SYNPR: variants seen among roughly 807,000 people sequenced by gnomAD.
The protein encoded by SYNPR is synaptoporin.
A neutral mutation model predicts 32.9 loss-of-function variants in SYNPR; 23 were observed. The ratio of observed to expected loss-of-function variants is 0.70; its 90% confidence interval spans 0.50 to 0.99. SYNPR has a LOEUF of 0.99. Ranked by LOEUF, SYNPR falls within the 50% of genes least tolerant of loss-of-function variation. The pLI, the probability that SYNPR is intolerant of heterozygous loss-of-function variation, is 0.00. For missense variants in SYNPR, 318 were observed against 349.3 expected (o/e 0.91, Z 0.71); for synonymous variants, 146 against 135.9 (o/e 1.07, Z -0.52).
chr3:63,440,751 A>T (rs1272018644), intron 2 of SYNPR, among the ~76,000 whole-genome samples: 3 of 152,174 alleles, frequency 2.0e-5, no homozygotes, highest in Non-Finnish European at 4.4e-5. Context: ...GACGTGGACA[A>T]ATTCTGGGAC....
chr3:63,493,784 C>A lies in SYNPR; in HGVS notation c.209+12828C>A, dbSNP rs189920036. Among the ~76,000 whole-genome samples, 1,420 of 145,984 alleles carry A rather than the reference C, an allele frequency of 9.7e-3. 25 individuals carry two copies. The highest frequency in any genetic ancestry group is 0.035 in the African/African-American group (1,359 of 39,048). ...TGAGCCAAGATCACACCACTGCACTCCAGCCTGGGTAACAGTGCAAGACTC... is the reference window on the plus strand; with the variant it reads ...TGAGCCAAGATCACACCACTGCACTACAGCCTGGGTAACAGTGCAAGACTC... On this transcript the variant is annotated intron_variant, in intron 3 of 5. Coordinates refer to ENST00000478300, the MANE Select transcript of SYNPR (RefSeq NM_001130003.2).
rs1480754426 is a variant in SYNPR, at chr3:63,476,319, A to AGGAAG, written c.85-4512_85-4511insGAAGG. Among the ~76,000 whole-genome samples the AGGAAG allele has an allele frequency of 1.5e-3, 82 of 55,612 alleles. 2 individuals are homozygous for AGGAAG. In the East Asian group the frequency reaches 0.036, roughly 25 times the overall value. 36.5% of individuals were successfully genotyped at this position (55,612 alleles called of 152,430 possible). On this transcript the variant is annotated intron_variant, in intron 2 of 5. Transcript: ENST00000478300. Reference sequence around the variant, plus strand: ...GGAGGGAAGGAAGGGAAGGGAGGGAAGCAAGGGAAGGAAGGGAAGGAAGGA... The same window carrying AGGAAG: ...GGAGGGAAGGAAGGGAAGGGAGGGAAGGAAGGCAAGGGAAGGAAGGGAAGGAAGGA...
At chr3:63,298,838 G>T (rs531385809) in intron 2 of SYNPR, among the ~76,000 whole-genome samples, 1 of 152,208 alleles carries the variant, frequency 6.6e-6, no homozygotes, top group Non-Finnish European at 1.5e-5. Context: ...ATCCCATTGG[G>T]GACTCTGGGA....
chr3:63,220,409 G>T, the SYNPR span, among the ~76,000 whole-genome samples: 7 of 152,178 alleles, frequency 4.6e-5, no homozygotes, highest in Admixed American at 4.6e-4. Context: ...TCCTGGGGCT[G>T]TCCTTGAAGT....
At chr3:63,598,895 G>A (rs76427782) in intron 4 of SYNPR, among the ~76,000 whole-genome samples, 2,966 of 152,276 alleles carry the variant, frequency 0.019, 112 homozygotes, top group African/African-American at 0.067. Context: ...TAGACTGACA[G>A]GGATCATATT....
At chr3:63,354,493 G>C (rs1245381497) in intron 2 of SYNPR, among the ~76,000 whole-genome samples, 3 of 152,186 alleles carry the variant, frequency 2.0e-5, no homozygotes, top group African/African-American at 2.4e-5. Context: ...GACTAGTAAA[G>C]ATGCTCTTCT....
chr3:63,232,189 T>A (rs1367106142), intron 1 of SYNPR, among the ~76,000 whole-genome samples: 8 of 144,238 alleles, frequency 5.5e-5, no homozygotes, highest in African/African-American at 1.8e-4. Flanking sequence ...TTTCAGATTC[T>A]GACTTTTTTT....
At chr3:63,365,377 G>A (rs1161828961) in intron 2 of SYNPR, among the ~76,000 whole-genome samples, 1 of 152,078 alleles carries the variant, frequency 6.6e-6, no homozygotes, top group East Asian at 1.9e-4. Context: ...GTTGTGGTGG[G>A]GGAGAGTAGC....
intron 2 of SYNPR, among the ~76,000 whole-genome samples, chr3:63,334,174 G>GT (rs1189895326): frequency 2.6e-5 from 4 of 152,030 alleles, no homozygotes; most frequent in South Asian, 2.1e-4. Flanking sequence ...GCTCTTACAT[G>GT]TTTTTTTTCT....
intron 2 of SYNPR, among the ~76,000 whole-genome samples, chr3:63,424,572 A>G (rs1699858907): frequency 6.6e-6 from 1 of 152,234 alleles, no homozygotes; most frequent in Admixed American, 6.5e-5. Context: ...TTGTATTATT[A>G]TATATATCAA....
chr3:63,305,123 G>C (rs765690476), intron 2 of SYNPR, among the ~76,000 whole-genome samples: 7 of 151,964 alleles, frequency 4.6e-5, no homozygotes, highest in African/African-American at 2.4e-5. Context: ...GCCTGATGGA[G>C]AGGCTCATGA....
At chr3:63,322,416 C>G (rs1262315511) in intron 2 of SYNPR, among the ~76,000 whole-genome samples, 1 of 152,004 alleles carries the variant, frequency 6.6e-6, no homozygotes, top group Non-Finnish European at 1.5e-5. Context: ...GAAACAAAGG[C>G]ACAAAGGTGA....
chr3:63,273,730 G>T (rs2086554274), upstream of SYNPR, among the ~76,000 whole-genome samples: 1 of 152,098 alleles, frequency 6.6e-6, no homozygotes, highest in Non-Finnish European at 1.5e-5. Context: ...GATCCTATTT[G>T]AATGCTAAGA....
rs185512840 is a variant in SYNPR, at chr3:63,385,950, T to C, written c.85-94882T>C. Among the ~76,000 whole-genome samples the C allele has an allele frequency of 2.0e-5, 3 of 152,366 alleles. No homozygotes were observed. The East Asian group carries it at 5.8e-4, about 29-fold the overall frequency. On this transcript the variant is annotated intron_variant, in intron 2 of 5. Coordinates refer to ENST00000478300, the MANE Select transcript of SYNPR (RefSeq NM_001130003.2). Reference sequence around the variant, plus strand: ...GAAGCTAAGACTCAAGGCCAAGTGTTAGTCTTGTCAAGACCTTGCTAGAAA... The same window carrying C: ...GAAGCTAAGACTCAAGGCCAAGTGTCAGTCTTGTCAAGACCTTGCTAGAAA...
intron 2 of SYNPR, among the ~76,000 whole-genome samples, chr3:63,441,997 G>C (rs1203084245): frequency 6.6e-6 from 1 of 152,164 alleles, no homozygotes; most frequent in African/African-American, 2.4e-5. Context: ...CTAGTAAGTG[G>C]GAGACCAGGA....
intron 1 of SYNPR, among the ~76,000 whole-genome samples, chr3:63,244,707 T>C (rs756175827): frequency 1.3e-5 from 2 of 152,132 alleles, no homozygotes; most frequent in Non-Finnish European, 2.9e-5. Flanking sequence ...GGCAACTTCA[T>C]TTAGGACTAT....
chr3:63,272,797 A>G lies in SYNPR; in HGVS notation n.287+5348A>G, dbSNP rs2086547321. 1.3e-5 allele frequency among the ~76,000 whole-genome samples: 2 copies of G among 152,068 alleles called. 1 individual carries two copies. Among genetic ancestry groups the G allele is most frequent in the South Asian group, 4.1e-4 (2 of 4,828 alleles). ...GGTATGGATTTGAGACTAATCTCAC[A>G]TCTCTTTGGCTGCAGCACCAGATTA... is the stretch of plus-strand genomic sequence containing the variant. On this transcript the variant is annotated intron_variant and non_coding_transcript_variant, in intron 3 of 4. Coordinates refer to the SYNPR transcript ENST00000478456.
intron 3 of SYNPR, among the ~76,000 whole-genome samples, chr3:63,536,688 TTTA>T (rs1337831950): frequency 3.2e-4 from 49 of 152,166 alleles, no homozygotes; most frequent in African/African-American, 1.1e-3. Flanking sequence ...TCCTAGCAGC[TTTA>T]TTTATAATAG....
chr3:63,566,384 G>C (rs1469043640), intron 4 of SYNPR, among the ~76,000 whole-genome samples: 1 of 152,034 alleles, frequency 6.6e-6, no homozygotes, highest in Non-Finnish European at 1.5e-5. Flanking sequence ...TTTACTTTTT[G>C]TTTTTCAATG....
Sources: allele counts gnomAD v4.1 joint callset (sites outside exome capture counted in the v4.1 genomes callset), GRCh38; gene constraint gnomAD v4.1.1; transcripts MANE v1.5; gene names NCBI Gene and HGNC (gene_info 2026-07-23, HGNC 2026-07-21).